Variants in EVC2 observed in about 807,000 individuals in gnomAD.
EVC2 encodes limbin.
A neutral mutation model predicts 149.3 loss-of-function variants in EVC2; 148 were observed. The ratio of observed to expected loss-of-function variants is 0.99; its 90% confidence interval spans 0.87 to 1.14. The LOEUF (loss-of-function observed/expected upper bound fraction) is 1.14. EVC2 is among the 50% of genes most tolerant of loss of function. EVC2 has a pLI of 0.00. For missense variants in EVC2, 1,854 were observed against 1,627.3 expected, an observed-to-expected ratio of 1.14 and a Z score of -2.40; for synonymous variants, 776 against 649.9, an observed-to-expected ratio of 1.19 and a Z score of -2.95.
rs1722057718 is a variant in EVC2 at position 5,563,075 on chromosome 4, T to C, written c.3700A>G (p.Ile1234Val). 2 of 1,614,106 alleles carry C rather than the reference T, an allele frequency of 1.2e-6. No individual in the cohort carries two copies. The highest frequency in any genetic ancestry group is 1.7e-6 in the Non-Finnish European group (2 of 1,180,016). Residue 1234 changes from isoleucine to valine, a missense_variant, in exon 22 of 22, where the codon ATA (isoleucine) becomes GTA (valine). Physicochemically the swap from Ile to Val is conservative, Grantham distance 29 (BLOSUM62 3). Transcript: ENST00000344408. ...KTCLPLRERM[I>V]FSGKGSWPHL... Reference sequence around the variant, plus strand: ...GGCCAACTTCCTTTTCCAGAGAATATCATCCTCTCTCTGAGAGGGAGACAT... The same window carrying C: ...GGCCAACTTCCTTTTCCAGAGAATACCATCCTCTCTCTGAGAGGGAGACAT...
intron 11 of EVC2, 61 bp from the exon 12 acceptor site, chr4:5,628,795 C>G: frequency 6.7e-7 from 1 of 1,481,544 alleles, no homozygotes; most frequent in Non-Finnish European, 9.2e-7. Flanking sequence ...CATAATCTTT[C>G]TAGACATTTA....
rs772234395 is a variant in EVC2, at chr4:5,615,553, G to T, written c.2707-9C>A. 1.2e-6 allele frequency: 2 copies of T among 1,614,032 alleles called. No individual in the cohort carries two copies. Among genetic ancestry groups the T allele is most frequent in the Non-Finnish European group, 1.7e-6 (2 of 1,180,026 alleles). ...CTCACCTTGGACTGTTGCTGGAGAG[G>T]GGTTGGGGAAGACGTGGGTAAGAAG... On this transcript the variant is annotated splice_polypyrimidine_tract_variant and intron_variant, in intron 15 of 21. Transcript: ENST00000344408.
intron 3 of EVC2, among the ~76,000 whole-genome samples, chr4:5,693,234 T>C (rs1235566082): frequency 1.3e-5 from 2 of 152,170 alleles, no homozygotes; most frequent in Non-Finnish European, 2.9e-5. Flanking sequence ...ATGAGTACTG[T>C]AGTGGGTTCA....
intron 21 of EVC2, among the ~76,000 whole-genome samples, chr4:5,546,367 T>C (rs1176987709): frequency 6.6e-6 from 1 of 152,150 alleles, no homozygotes; most frequent in Non-Finnish European, 1.5e-5. Flanking sequence ...ATATACACCA[T>C]GGAATACTAT....
intron 1 of EVC2, among the ~76,000 whole-genome samples, chr4:5,699,058 G>C (rs1721663892): frequency 6.6e-6 from 1 of 152,238 alleles, no homozygotes; most frequent in South Asian, 2.1e-4. Flanking sequence ...TTCTGCTGGG[G>C]TGATGTAACC....
chr4:5,635,810 G>A (rs1716857418), intron 10 of EVC2, among the ~76,000 whole-genome samples: 1 of 152,198 alleles, frequency 6.6e-6, no homozygotes, highest in Non-Finnish European at 1.5e-5. Context: ...TCTTTCAGTG[G>A]CAGAAAAGCA....
intron 7 of EVC2, among the ~76,000 whole-genome samples, chr4:5,668,622 C>CT (rs1377842415): frequency 1.3e-5 from 2 of 152,036 alleles, no homozygotes; most frequent in African/African-American, 2.4e-5. Context: ...GGAAAGGAAA[C>CT]TAAAAAAAAT....
At chr4:5,533,525 T>C in the EVC2 span, among the ~76,000 whole-genome samples, 6 of 152,306 alleles carry the variant, frequency 3.9e-5, no homozygotes, top group East Asian at 9.7e-4. Context: ...TTAAAAGGCT[T>C]TGAGCAGAGG....
chr4:5,699,577 G>A (rs544544687), intron 1 of EVC2, among the ~76,000 whole-genome samples: 1 of 147,930 alleles, frequency 6.8e-6, no homozygotes, highest in Non-Finnish European at 1.5e-5. Context: ...GCTAAATGCG[G>A]TCCATCCATA....
At chr4:5,708,694 G>A (rs1427451654), upstream of EVC2, 2 of 480,968 alleles carry the variant, frequency 4.2e-6, no homozygotes, top group Admixed American at 4.4e-5. Flanking sequence ...CGTGGGAGGG[G>A]GAGAGCGAGT....
rs1719568279 is a variant in EVC2, at chr4:5,670,421, C to T, written c.871-4772G>A. Among the ~76,000 whole-genome samples the T allele has an allele frequency of 6.6e-6, 1 of 151,830 alleles. No homozygotes were observed. The highest frequency in any genetic ancestry group is 1.5e-5 in the Non-Finnish European group (1 of 67,978). On this transcript the variant is annotated intron_variant, in intron 7 of 21. Coordinates refer to ENST00000344408, the MANE Select transcript of EVC2 (RefSeq NM_147127.5). The surrounding 1 kb of genome is among the most constrained non-coding windows in gnomAD (Gnocchi z 5.2). ...TCCATCATTTTCATCTTTACCATCACCATCAACACCATTATGATCAATATC... is the reference window on the plus strand; with the variant it reads ...TCCATCATTTTCATCTTTACCATCATCATCAACACCATTATGATCAATATC...
At chr4:5,654,677 C>A (rs577932947) in intron 9 of EVC2, among the ~76,000 whole-genome samples, 1 of 152,034 alleles carries the variant, frequency 6.6e-6, no homozygotes, top group Non-Finnish European at 1.5e-5. Flanking sequence ...GGAACATAGG[C>A]TTGGCCTGGG....
chr4:5,639,509 C>T (rs187832423), intron 10 of EVC2, among the ~76,000 whole-genome samples: 4 of 152,354 alleles, frequency 2.6e-5, no homozygotes, highest in Admixed American at 2.0e-4. Context: ...GAGCCTTCTG[C>T]AGCCCATGGG....
Position 5,640,771 on chromosome 4 carries a change from C to A in EVC2, c.1213G>T (p.Asp405Tyr), listed in dbSNP as rs1281421898. 6.2e-7 allele frequency: 1 copy of A among 1,614,180 alleles called. No individual in the cohort carries two copies. Among genetic ancestry groups the A allele is most frequent in the Non-Finnish European group, 8.5e-7 (1 of 1,180,038 alleles). The change falls in exon 10 of 22, where the codon GAT (aspartate) becomes TAT (tyrosine). Residue 405 changes from aspartate to tyrosine, a missense_variant. Asp to Tyr is a radical substitution (Grantham distance 160). Transcript: ENST00000344408. This position sits in a 1 kb window ranked among gnomAD's most constrained non-coding sequence, Gnocchi z 4.6. ...TTTTTCAGCAGAAGGGCAATGATAT[C>A]CTTGCTGATTTGTGTTCGACAAGCC... ...LEACRTQISK[D>Y]IIALLLKNLT...
chr4:5,690,162 T>C (rs1312167341), intron 4 of EVC2, among the ~76,000 whole-genome samples: 3 of 152,210 alleles, frequency 2.0e-5, no homozygotes, highest in Non-Finnish European at 4.4e-5. Flanking sequence ...TGCATGCATA[T>C]GGCAGAAAAA....
At chr4:5,691,455 A>C in intron 3 of EVC2, 122 bp from the exon 4 acceptor site, 1 of 749,700 alleles carries the variant, frequency 1.3e-6, no homozygotes, top group East Asian at 2.7e-5. Flanking sequence ...CTAATCCTTA[A>C]GTAATCTTGA....
At chr4:5,615,329 C>A in intron 16 of EVC2, 93 bp downstream of exon 16, 1 of 1,591,206 alleles carries the variant, frequency 6.3e-7, no homozygotes, top group East Asian at 2.3e-5. Context: ...ATGGCACAGC[C>A]CCAAGGGCTC....
At chr4:5,635,342 G>A (rs1716826598) in intron 10 of EVC2, among the ~76,000 whole-genome samples, 1 of 152,050 alleles carries the variant, frequency 6.6e-6, no homozygotes, top group South Asian at 2.1e-4. Flanking sequence ...GCATTATAAA[G>A]GAATGTGAAA....
chr4:5,662,573 T>C (rs1718963891), intron 9 of EVC2, among the ~76,000 whole-genome samples: 1 of 143,590 alleles, frequency 7.0e-6, no homozygotes, highest in Non-Finnish European at 1.5e-5. Context: ...ATATAATATA[T>C]ATTTATATTA....
Sources: allele counts gnomAD v4.1 joint callset (sites outside exome capture counted in the v4.1 genomes callset), GRCh38; gene constraint gnomAD v4.1.1; non-coding constraint Gnocchi (gnomAD v3.1); transcripts MANE v1.5; gene names NCBI Gene and HGNC (gene_info 2026-07-23, HGNC 2026-07-21).